PKNOX1: variants seen among roughly 807,000 people sequenced by gnomAD.
The protein encoded by PKNOX1 is PBX/knotted 1 homeobox 1.
A neutral mutation model predicts 51.9 loss-of-function variants in PKNOX1; 15 were observed. That is an observed-to-expected ratio of 0.29 (90% CI 0.19 to 0.45). PKNOX1 has a LOEUF of 0.45. PKNOX1 is among the 20% of genes least tolerant of loss of function. PKNOX1 has a pLI of 1.00. For synonymous variants in PKNOX1, 219 were observed against 211.1 expected (o/e 1.04, Z -0.32); for missense variants, 462 against 547.5 (o/e 0.84, Z 1.56).
chr21:43,005,548 T>C lies in PKNOX1; in HGVS notation c.51+1116T>C, dbSNP rs529748463. The stretch of plus-strand genomic sequence containing the variant: ...TTTCCAATTGACTTTTTTTTTTTTT[T>C]CTAAAATGCAAATCTAATAATGTCC... On this transcript the variant is annotated intron_variant, in intron 2 of 10. Coordinates refer to ENST00000291547, the MANE Select transcript of PKNOX1 (RefSeq NM_004571.5). Among the ~76,000 whole-genome samples, 241 of 141,788 alleles carry C rather than the reference T, an allele frequency of 1.7e-3. 2 individuals are homozygous for C. Among genetic ancestry groups the C allele is most frequent in the Non-Finnish European group, 2.7e-3 (176 of 64,462 alleles). The allele number at this position is 141,788 out of a possible 152,430, so 93.0% of individuals were successfully genotyped here. A position where few individuals can be genotyped will look rare whatever the true frequency, so the allele number is the denominator to read the frequency against.
chr21:43,021,795 G>A lies in PKNOX1; in HGVS notation c.849+364G>A, dbSNP rs556714361. Among the ~76,000 whole-genome samples, 2 of 152,382 alleles carry A rather than the reference G, an allele frequency of 1.3e-5. No individual in the cohort carries two copies. The highest frequency in any genetic ancestry group is 3.9e-4 in the East Asian group (2 of 5,186). On this transcript the variant is annotated intron_variant, in intron 8 of 10. Coordinates refer to ENST00000291547, the MANE Select transcript of PKNOX1 (RefSeq NM_004571.5). The surrounding 1 kb of genome is among the most constrained non-coding windows in gnomAD (Gnocchi z 4.6). ...TGTGTTGGATTAACAAGGAAGCTGA[G>A]ATGGGTTAGAGACATCGCAGGGCCG... is the stretch of plus-strand genomic sequence containing the variant.
intron 1 of PKNOX1, among the ~76,000 whole-genome samples, chr21:42,994,970 G>A: frequency 7.4e-6 from 1 of 135,422 alleles, no homozygotes; most frequent in Admixed American, 8.7e-5. Flanking sequence ...CGCCCAGGCT[G>A]GAGTGCAGTG....
In PKNOX1 at chr21:42,984,295, G is replaced by A. The variant is rs368598282; in HGVS notation, c.-57+9631G>A. ...GCTATATTGTGTTATGCTTTTAGTT[G>A]GCATTTTAGTGATTTTTAAAACATT... On this transcript the variant is annotated intron_variant, in intron 1 of 10. Coordinates refer to ENST00000291547, the MANE Select transcript of PKNOX1 (RefSeq NM_004571.5). Among the ~76,000 whole-genome samples, 8 of 152,014 alleles carry A rather than the reference G, an allele frequency of 5.3e-5. No homozygotes were observed. The South Asian group carries it at 6.2e-4, about 12-fold the overall frequency.
At chr21:43,004,486 C>G in intron 2 of PKNOX1, 54 bp downstream of exon 2, 1 of 1,174,202 alleles carries the variant, frequency 8.5e-7, no homozygotes, top group Non-Finnish European at 1.3e-6. Context: ...GGCACTCAAG[C>G]ATGAACATTG....
At chr21:43,022,575 C>A (rs1979809495) in intron 8 of PKNOX1, among the ~76,000 whole-genome samples, 1 of 152,144 alleles carries the variant, frequency 6.6e-6, no homozygotes. Context: ...TTGGTCTCCA[C>A]CGAGCCGCTT....
intron 8 of PKNOX1, among the ~76,000 whole-genome samples, chr21:43,022,727 G>A (rs143732257): frequency 5.0e-4 from 76 of 152,262 alleles, no homozygotes; most frequent in South Asian, 1.7e-3. Context: ...TGTTAGTGTC[G>A]TTCAATATAA....
At position 43,024,950 on chromosome 21, in the gene PKNOX1, A is replaced by G. The variant is rs1979927450; in HGVS notation, c.926+3A>G. The G allele has an allele frequency of 1.3e-6, 2 of 1,594,504 alleles. No individual in the cohort carries two copies. On this transcript the variant is annotated splice_donor_region_variant and intron_variant, in intron 9 of 10. Coordinates refer to ENST00000291547, the MANE Select transcript of PKNOX1 (RefSeq NM_004571.5). The stretch of plus-strand genomic sequence containing the variant: ...ACACTACTCCAAGTCAACAACTGGT[A>G]AGGTGCCCTGCTTCCTGAAATCATG...
intron 8 of PKNOX1, among the ~76,000 whole-genome samples, chr21:43,023,308 GA>G (rs1979843756): frequency 6.6e-6 from 1 of 152,030 alleles, no homozygotes; most frequent in Non-Finnish European, 1.5e-5. Context: ...TTAGTTTGAG[GA>G]AACAAACCCA....
chr21:43,016,106 A>C (rs1306302729), intron 5 of PKNOX1, among the ~76,000 whole-genome samples: 1 of 152,230 alleles, frequency 6.6e-6, no homozygotes, highest in Non-Finnish European at 1.5e-5. Context: ...ATGATGGCCC[A>C]CAGAATCACC....
chr21:43,031,855 G>C lies in PKNOX1; in HGVS notation c.*1754G>C, dbSNP rs1025019999. 3.0e-5 allele frequency: 5 copies of C among 166,100 alleles called. No homozygotes were observed. Among genetic ancestry groups the C allele is most frequent in the Admixed American group, 1.8e-4 (3 of 16,686 alleles). The allele number at this position is 166,100 out of a possible 1,614,324, so 10.3% of individuals were successfully genotyped here. A position where few individuals can be genotyped will look rare whatever the true frequency, so the allele number is the denominator to read the frequency against. On this transcript the variant is annotated 3_prime_UTR_variant, in exon 11 of 11. Coordinates refer to ENST00000291547, the MANE Select transcript of PKNOX1 (RefSeq NM_004571.5). ...AAAGACTTGGTTATCAAGTCTTTTG[G>C]GGAGAGAATGACATTTTTTTTTTGA...
chr21:42,988,677 T>C (rs984250827), intron 1 of PKNOX1, among the ~76,000 whole-genome samples: 25 of 152,126 alleles, frequency 1.6e-4, no homozygotes, highest in Admixed American at 1.3e-3. Context: ...TCAGATTCTT[T>C]CCGGTGGCTC....
chr21:42,995,425 C>A (rs1978456458), intron 1 of PKNOX1, among the ~76,000 whole-genome samples: 1 of 151,872 alleles, frequency 6.6e-6, no homozygotes, highest in African/African-American at 2.4e-5. Context: ...TGCCTGTAAT[C>A]CCAGCGCTTT....
intron 1 of PKNOX1, among the ~76,000 whole-genome samples, chr21:42,998,589 A>G (rs1413341588): frequency 6.6e-6 from 1 of 152,222 alleles, no homozygotes; most frequent in Non-Finnish European, 1.5e-5. Flanking sequence ...TCCTAAATAC[A>G]GTGGGGGTAC....
chr21:43,026,169 C>CT (rs1182853558), intron 9 of PKNOX1, among the ~76,000 whole-genome samples: 1 of 152,094 alleles, frequency 6.6e-6, no homozygotes, highest in Non-Finnish European at 1.5e-5. Flanking sequence ...GCTCAGCACC[C>CT]TCCTGCTTTT....
rs1196855358 is a variant in PKNOX1 at position 43,021,595 on chromosome 21, G to C, written c.849+164G>C. 6.6e-6 allele frequency among the ~76,000 whole-genome samples: 1 copy of C among 152,232 alleles called. No homozygotes were observed. The highest frequency in any genetic ancestry group is 1.5e-5 in the Non-Finnish European group (1 of 68,032). ...AATGTGGGGAGCGTGGGGCACTGCT[G>C]CAGGGAACTTGAAGGGCAATGAGGG... is the stretch of plus-strand genomic sequence containing the variant. On this transcript the variant is annotated intron_variant, in intron 8 of 10. Transcript: ENST00000291547. This position sits in a 1 kb window ranked among gnomAD's most constrained non-coding sequence, Gnocchi z 4.6.
At chr21:43,018,784 A>C (rs1440891331) in intron 7 of PKNOX1, among the ~76,000 whole-genome samples, 1 of 151,902 alleles carries the variant, frequency 6.6e-6, no homozygotes, top group African/African-American at 2.4e-5. Flanking sequence ...GTGTGTTATC[A>C]GTTCTTACTT....
chr21:42,993,284 T>C (rs1264705382), intron 1 of PKNOX1, among the ~76,000 whole-genome samples: 1 of 152,070 alleles, frequency 6.6e-6, no homozygotes, highest in African/African-American at 2.4e-5. Context: ...CTCCTGACAC[T>C]CAAAACGCTG....
chr21:43,032,359 A>G lies in PKNOX1; in HGVS notation c.*2258A>G. On this transcript the variant is annotated 3_prime_UTR_variant, in exon 11 of 11. Coordinates refer to ENST00000291547, the MANE Select transcript of PKNOX1 (RefSeq NM_004571.5). ...TCTTCGGCTGCTTGCTCTTTAGTGT[A>G]GATTAGTGGAAGCCATTCACAGAAT... is the stretch of plus-strand genomic sequence containing the variant. The G allele has an allele frequency of 4.3e-6, 1 of 231,448 alleles. No individual in the cohort carries two copies. Among genetic ancestry groups the G allele is most frequent in the Non-Finnish European group, 9.5e-6 (1 of 104,816 alleles). The allele number at this position is 231,448 out of a possible 1,614,324, so 14.3% of individuals were successfully genotyped here.
chr21:43,024,617 C>T (rs1470821071), intron 8 of PKNOX1: 5 of 426,064 alleles, frequency 1.2e-5, no homozygotes, highest in South Asian at 3.7e-5. Flanking sequence ...CTGCTGTTAT[C>T]GTCACCGCTG....
Sources: gnomAD v4.1 joint callset for allele counts (sites outside exome capture counted in the v4.1 genomes callset) on GRCh38, gnomAD v4.1.1 for gene constraint, Gnocchi (gnomAD v3.1) non-coding constraint, MANE v1.5 for transcripts, NCBI Gene and HGNC (gene_info 2026-07-23, HGNC 2026-07-21) for gene names.